PCNT: variants seen among roughly 807,000 people sequenced by gnomAD.
PCNT encodes pericentrin, also known as kendrin.
Under a neutral mutation model 380.4 loss-of-function variants are expected in PCNT, and 319 were observed. The ratio of observed to expected loss-of-function variants is 0.84; its 90% CI spans 0.77 to 0.92. The LOEUF (loss-of-function observed/expected upper bound fraction) is 0.92. Among genes scored for constraint, PCNT ranks in the 40% least tolerant of loss-of-function variants. The pLI is 0.00. For synonymous variants in PCNT, 1,845 were observed against 1,735.2 expected (o/e 1.06, Z -1.57); for missense variants, 4,400 against 4,255.3 (o/e 1.03, Z -0.95).
intron 3 of PCNT, among the ~76,000 whole-genome samples, chr21:46,340,433 T>C (rs930199647): frequency 1.3e-5 from 2 of 152,252 alleles, no homozygotes. Flanking sequence ...ATCTGTGTTA[T>C]CTCCCATTTT....
intron 15 of PCNT, among the ~76,000 whole-genome samples, chr21:46,379,736 A>AT (rs1015163016): frequency 2.6e-5 from 4 of 151,144 alleles, no homozygotes; most frequent in South Asian, 2.1e-4. Flanking sequence ...TCTCTAGTGA[A>AT]TTTTTTTTTC....
chr21:46,431,507 A>G (rs981736850), intron 37 of PCNT, 22 bp from the exon 38 acceptor site: 1 of 1,613,890 alleles, frequency 6.2e-7, no homozygotes, highest in Admixed American at 1.7e-5. Context: ...AGTGTCTCCC[A>G]TCGTATGTGT....
intron 27 of PCNT, among the ~76,000 whole-genome samples, chr21:46,403,814 A>G (rs13046020): frequency 9.7e-4 from 77 of 79,144 alleles, no homozygotes; most frequent in East Asian, 1.5e-3. Context: ...CCCACGCGGC[A>G]CGTGCTCGGT....
intron 1 of PCNT, chr21:46,325,062 G>A: frequency 1.2e-5 from 12 of 985,522 alleles, no homozygotes; most frequent in Non-Finnish European, 1.3e-5. Context: ...CTCCCGCCCC[G>A]GGTTTCTCCG....
In PCNT at chr21:46,367,156, C is replaced by T. The variant is rs1008754868; in HGVS notation, c.3165+17C>T. ...GTGCACCAGGTAAGGCGCCAGGGCC[C>T]TGCCCCAGCCCAGGGCAGGCCTCTC... On this transcript the variant is annotated intron_variant, in intron 15 of 46. Transcript: ENST00000359568. 3.1e-6 allele frequency: 5 copies of T among 1,607,412 alleles called. No homozygotes were observed. The highest frequency in any genetic ancestry group is 2.2e-5 in the East Asian group (1 of 44,850).
chr21:46,364,203 C>A (rs2084818628), intron 14 of PCNT, among the ~76,000 whole-genome samples: 1 of 152,066 alleles, frequency 6.6e-6, no homozygotes, highest in African/African-American at 2.4e-5. Context: ...CTAGCAGTCG[C>A]CGTCCCGGAG....
In PCNT at chr21:46,363,792, C is replaced by T; in HGVS notation, c.2467C>T (p.Gln823Ter). Reference protein sequence around the residue: ...SLTEQQGRLQQLEQDLTSDDA... With the variant: ...SLTEQQGRLQ ...GACGGAGCAGCAGGGCCGCCTGCAG[C>T]AGCTGGAACAGGACCTCACTTCAGA... Residue 823 changes from glutamine (Q) to a stop codon, truncating the protein, a stop_gained, in exon 14 of 47, where the codon CAG becomes TAG. Transcript: ENST00000359568. LOFTEE classifies it high-confidence loss of function. The T allele has an allele frequency of 6.2e-7, 1 of 1,613,612 alleles. No individual in the cohort carries two copies. The highest frequency in any genetic ancestry group is 8.5e-7 in the Non-Finnish European group (1 of 1,179,692).
At chr21:46,361,767 G>A (rs1422089250) in intron 13 of PCNT, among the ~76,000 whole-genome samples, 1 of 152,184 alleles carries the variant, frequency 6.6e-6, no homozygotes, top group Non-Finnish European at 1.5e-5. Context: ...GTTTTTTGAA[G>A]TCTTTATTTT....
chr21:46,338,604 CT>C (rs35172694), intron 3 of PCNT, among the ~76,000 whole-genome samples: 90,477 of 115,762 alleles, frequency 0.78, 34,401 homozygotes, highest in Non-Finnish European at 0.8. Flanking sequence ...ATGAATGTGT[CT>C]TTTTTTTTTT....
intron 3 of PCNT, among the ~76,000 whole-genome samples, chr21:46,344,956 T>A (rs1375432926): frequency 1.3e-5 from 2 of 152,248 alleles, no homozygotes; most frequent in African/African-American, 4.8e-5. Flanking sequence ...CATTTGTTTC[T>A]TGTGACTGTG....
At chr21:46,365,747 G>T (rs1484597375) in intron 14 of PCNT, among the ~76,000 whole-genome samples, 1 of 143,358 alleles carries the variant, frequency 7.0e-6, no homozygotes, top group Non-Finnish European at 1.5e-5. Context: ...CTGCCGTGGG[G>T]TTCTATTCAT....
Position 46,385,891 on chromosome 21 carries a change from G to A in PCNT, c.3372G>A (p.Glu1124=). The part of the protein sequence containing the change: ...HEIEECRSEL[E]VLQQRREREN... The stretch of plus-strand genomic sequence containing the variant: ...TAGAAGAGTGCCGCTCCGAGTTGGA[G>A]GTGCTGCAGCAGAGGCGGGAGCGGG... The change falls in exon 17 of 47, where the codon GAG becomes GAA. Residue 1124 remains glutamate, a synonymous_variant. Coordinates refer to ENST00000359568, the MANE Select transcript of PCNT (RefSeq NM_006031.6). 2 of 1,614,232 alleles carry A rather than the reference G, an allele frequency of 1.2e-6. No individual in the cohort carries two copies. The highest frequency in any genetic ancestry group is 1.7e-6 in the Non-Finnish European group (2 of 1,180,030).
chr21:46,443,697 T>G (rs928244330), intron 44 of PCNT, 113 bp from the exon 45 acceptor site: 3 of 995,148 alleles, frequency 3.0e-6, no homozygotes, highest in Non-Finnish European at 4.8e-6. Flanking sequence ...GTCTTAAAAT[T>G]GCCATACAGG....
rs969224653 is a variant in PCNT, at chr21:46,349,538, G to C, written c.1208-146G>C. 38 of 826,202 alleles carry C rather than the reference G, an allele frequency of 4.6e-5. No individual in the cohort carries two copies. The Middle Eastern group carries it at 1.7e-3, about 36-fold the overall frequency. 51.2% of individuals were successfully genotyped at this position (826,202 alleles called of 1,614,324 possible). ...AGGCGATGTCCCCTGGTGCTATCAG[G>C]CATGTGAGGCTCAAACGAGGGGCCC... On this transcript the variant is annotated intron_variant, in intron 7 of 46. Coordinates refer to ENST00000359568, the MANE Select transcript of PCNT (RefSeq NM_006031.6).
intron 33 of PCNT, among the ~76,000 whole-genome samples, chr21:46,426,447 T>G (rs947794361): frequency 2.0e-5 from 3 of 152,022 alleles, no homozygotes; most frequent in Non-Finnish European, 4.4e-5. Context: ...GACGTGGAGG[T>G]GTGTGGGGGG....
chr21:46,357,801 G>A (rs1211762768), intron 13 of PCNT, among the ~76,000 whole-genome samples: 1 of 152,206 alleles, frequency 6.6e-6, no homozygotes, highest in Non-Finnish European at 1.5e-5. Context: ...ACAAGCCCGG[G>A]TGCCAAGCAC....
At chr21:46,331,590 A>G (rs1193113596) in intron 2 of PCNT, among the ~76,000 whole-genome samples, 2 of 150,852 alleles carry the variant, frequency 1.3e-5, no homozygotes, top group African/African-American at 2.4e-5. Context: ...GATGGTTGAA[A>G]CTCTGTCTCT....
At chr21:46,384,062 TCAG>T (rs1479783485) in intron 16 of PCNT, among the ~76,000 whole-genome samples, 1 of 145,660 alleles carries the variant, frequency 6.9e-6, no homozygotes, top group African/African-American at 2.5e-5. Flanking sequence ...TGCTGTGCAT[TCAG>T]CAGCGGAAGC....
intron 27 of PCNT, among the ~76,000 whole-genome samples, chr21:46,405,801 T>C (rs2086604827): frequency 6.6e-6 from 1 of 152,212 alleles, no homozygotes; most frequent in South Asian, 2.1e-4. Flanking sequence ...TCTTATATAA[T>C]GAAAAATATA....
Sources: gnomAD v4.1 joint callset for allele counts (sites outside exome capture counted in the v4.1 genomes callset) on GRCh38, gnomAD v4.1.1 for gene constraint, MANE v1.5 for transcripts, NCBI Gene and HGNC (gene_info 2026-07-23, HGNC 2026-07-21) for gene names.